The following TSNAXIP1 variants were observed in gnomAD, a reference collection of about 807,000 sequenced individuals.
TSNAXIP1 encodes translin associated factor X interacting protein 1.
In TSNAXIP1, 89 loss-of-function variants were observed where a neutral mutation model predicts 84.8. The observed-to-expected ratio is 1.05, with a 90% CI of 0.88 to 1.25. The LOEUF (loss-of-function observed/expected upper bound fraction) is 1.25, where lower values mean the gene tolerates loss of function less well. Among genes scored for constraint, TSNAXIP1 ranks in the 50% most tolerant of loss-of-function variants. The pLI, the probability that TSNAXIP1 is intolerant of heterozygous loss-of-function variation, is 0.00. For synonymous variants in TSNAXIP1, 347 were observed against 335.2 expected (o/e 1.04, Z -0.39); for missense variants, 874 against 887.6 (o/e 0.98, Z 0.20).
At position 67,825,289 on chromosome 16, in the gene TSNAXIP1, A is replaced by C; in HGVS notation, c.814+17A>C. On this transcript the variant is annotated intron_variant, in intron 7 of 15. Coordinates refer to ENST00000561639, the MANE Select transcript of TSNAXIP1 (RefSeq NM_001288990.3). ...AGTCGCCAGGTAAGCCTGAATTGGG[A>C]ATCGGGTTTCTCTCTTCTCTGAGAC... 1 of 1,613,518 alleles carries C rather than the reference A, an allele frequency of 6.2e-7. No homozygotes were observed. The highest frequency in any genetic ancestry group is 1.1e-5 in the South Asian group (1 of 91,064).
intron 1 of TSNAXIP1, 147 bp downstream of exon 1, chr16:67,807,343 G>C: frequency 2.6e-6 from 4 of 1,533,804 alleles, no homozygotes; most frequent in Non-Finnish European, 3.5e-6. Flanking sequence ...GGTTAGAATC[G>C]GGCTGATTTA....
Position 67,825,807 on chromosome 16 carries a change from G to T in TSNAXIP1, c.955G>T (p.Glu319Ter). Residue 319 changes from glutamate (E) to a stop codon, truncating the protein, a stop_gained, in exon 8 of 16, where the codon GAG becomes TAG. Transcript: ENST00000561639. LOFTEE classifies it high-confidence loss of function. ...VVPRRDFEMQEKTNKDLQEQL... is the reference protein window; with the variant it reads ...VVPRRDFEMQ ...CCCCAGGAGGGACTTTGAAATGCAG[G>T]AGAAGACCAACAAGGATCTTCAGGA... 2 of 1,585,020 alleles carry T rather than the reference G, an allele frequency of 1.3e-6. No individual in the cohort carries two copies. The highest frequency in any genetic ancestry group is 1.7e-6 in the Non-Finnish European group (2 of 1,153,324).
chr16:67,827,784 G>C lies in TSNAXIP1; in HGVS notation c.1930G>C (p.Gly644Arg). 6.2e-7 allele frequency: 1 copy of C among 1,614,122 alleles called. No homozygotes were observed. Among genetic ancestry groups the C allele is most frequent in the Non-Finnish European group, 8.5e-7 (1 of 1,180,026 alleles). The part of the protein sequence containing the change: ...HEEVTLPKLR[G>R]GLMTIDPSLD... ...GGAAGTGACTCTGCCCAAGCTGCGA[G>C]GGGGCCTGATGACCATCGACCCCAG... Residue 644 changes from glycine (G) to arginine (R), a missense_variant, in exon 16 of 16, where the codon GGG (glycine) becomes CGG (arginine). Coordinates refer to ENST00000561639, the MANE Select transcript of TSNAXIP1 (RefSeq NM_001288990.3).
intron 2 of TSNAXIP1, among the ~76,000 whole-genome samples, chr16:67,818,081 C>T (rs770784082): frequency 6.7e-6 from 1 of 150,170 alleles, no homozygotes; most frequent in Non-Finnish European, 1.5e-5. Context: ...TGGTGGCATG[C>T]GCCTGTAATT....
At chr16:67,812,886 C>T (rs949535461) in intron 1 of TSNAXIP1, among the ~76,000 whole-genome samples, 2 of 152,118 alleles carry the variant, frequency 1.3e-5, no homozygotes, top group African/African-American at 4.8e-5. Context: ...GCTGGGATTA[C>T]AGGCATGAGC....
Position 67,825,674 on chromosome 16 carries a change from G to T in TSNAXIP1, c.822G>T (p.Trp274Cys). Residue 274 changes from tryptophan to cysteine, a missense_variant, in exon 8 of 16, where the codon TGG becomes TGT. By Grantham distance (215) the Trp-to-Cys change is radical. Transcript: ENST00000561639. ...GGCCCCTTCCCCTGGCAGGCATCTG[G>T]GGGGAGGACCCTGTGAAGTTAACCC... ...DMSLAQSPGI[W>C]GEDPVKLTLA... 1.2e-6 allele frequency: 2 copies of T among 1,610,848 alleles called. No individual in the cohort carries two copies. Among genetic ancestry groups the T allele is most frequent in the Non-Finnish European group, 8.5e-7 (1 of 1,177,558 alleles).
rs758203491 is a variant in TSNAXIP1, at chr16:67,821,213, A to G, written c.375A>G (p.Glu125=). The G allele has an allele frequency of 6.2e-7, 1 of 1,600,608 alleles. No individual in the cohort carries two copies. Among genetic ancestry groups the G allele is most frequent in the African/African-American group, 1.3e-5 (1 of 74,770 alleles). Residue 125 remains glutamate, a synonymous_variant, in exon 4 of 16, where the codon GAA becomes GAG. Coordinates refer to ENST00000561639, the MANE Select transcript of TSNAXIP1 (RefSeq NM_001288990.3). ...ACCTGGGCACAGATTCCACCCAGGA[A>G]CTAAGGCTGCAGGTCAGAGCCACAG... ...LLDLGTDSTQ[E]LRLQPYREIF... is the part of the protein sequence containing the mutation.
chr16:67,813,906 A>T (rs908077838), intron 1 of TSNAXIP1, among the ~76,000 whole-genome samples: 12 of 151,948 alleles, frequency 7.9e-5, no homozygotes, highest in Non-Finnish European at 1.6e-4. Flanking sequence ...CAGATCCTGG[A>T]CCCCAGACCC....
chr16:67,817,140 C>CG (rs1816672479), intron 2 of TSNAXIP1, among the ~76,000 whole-genome samples: 1 of 148,850 alleles, frequency 6.7e-6, no homozygotes, highest in Non-Finnish European at 1.5e-5. Context: ...TAATTTTTTG[C>CG]GGTTTTTTTT....
chr16:67,823,516 C>T, intron 4 of TSNAXIP1, 110 bp from the exon 5 acceptor site: 1 of 790,166 alleles, frequency 1.3e-6, no homozygotes, highest in East Asian at 2.9e-5. Flanking sequence ...GCACTCCAGC[C>T]TGGGTGATGG....
Position 67,825,884 on chromosome 16 carries a change from G to C in TSNAXIP1, c.985-33G>C, listed in dbSNP as rs779115221. ...AGGAGGGTAGGACGGGGTCTCACAGGTGGGGGGCCAGGGCCAATGTCCTTG... is the reference window on the plus strand; with the variant it reads ...AGGAGGGTAGGACGGGGTCTCACAGCTGGGGGGCCAGGGCCAATGTCCTTG... On this transcript the variant is annotated intron_variant, in intron 8 of 15. Coordinates refer to ENST00000561639, the MANE Select transcript of TSNAXIP1 (RefSeq NM_001288990.3). The C allele has an allele frequency of 3.1e-6, 5 of 1,613,946 alleles. No homozygotes were observed. The African/African-American group carries it at 5.3e-5, about 17-fold the overall frequency.
intron 4 of TSNAXIP1, among the ~76,000 whole-genome samples, chr16:67,823,414 G>A (rs1162698185): frequency 2.0e-5 from 3 of 152,032 alleles, no homozygotes; most frequent in African/African-American, 7.2e-5. Flanking sequence ...GTGGTGGCGC[G>A]TGCCTGTAAT....
At chr16:67,815,389 G>A (rs967871482) in intron 2 of TSNAXIP1, among the ~76,000 whole-genome samples, 2 of 150,466 alleles carry the variant, frequency 1.3e-5, no homozygotes, top group East Asian at 1.9e-4. Context: ...GTGCAGTGGT[G>A]CAGTGGTGCA....
In TSNAXIP1 at chr16:67,814,301, G is replaced by C. The variant is rs1490519677; in HGVS notation, c.48-1G>C. 1 of 1,535,770 alleles carries C rather than the reference G, an allele frequency of 6.5e-7. No individual in the cohort carries two copies. Among genetic ancestry groups the C allele is most frequent in the Non-Finnish European group, 8.7e-7 (1 of 1,146,650 alleles). On this transcript the variant is annotated splice_acceptor_variant, in intron 1 of 15. Coordinates refer to ENST00000561639, the MANE Select transcript of TSNAXIP1 (RefSeq NM_001288990.3). LOFTEE classifies it high-confidence loss of function. ...CCATCAGCTTTCCCTTCTCTGTGCA[G>C]ATTACAGCCACGGCCTTCAGGAGTG...
At position 67,809,130 on chromosome 16, in the gene TSNAXIP1, C is replaced by T. The variant is rs1323450438; in HGVS notation, c.47+1934C>T. Among the ~76,000 whole-genome samples, 48 of 134,036 alleles carry T rather than the reference C, an allele frequency of 3.6e-4. 1 individual carries two copies. The highest frequency in any genetic ancestry group is 2.0e-3 in the East Asian group (9 of 4,458). The allele number at this position is 134,036 out of a possible 152,430, so 87.9% of individuals were successfully genotyped here. On this transcript the variant is annotated intron_variant, in intron 1 of 15. Coordinates refer to ENST00000561639, the MANE Select transcript of TSNAXIP1 (RefSeq NM_001288990.3). Reference sequence around the variant, plus strand: ...GAGGGTGTAGTGAGCTGTGATCACACTAGTGCCTTGTAGCCTGGGCAACAA... The same window carrying T: ...GAGGGTGTAGTGAGCTGTGATCACATTAGTGCCTTGTAGCCTGGGCAACAA...
chr16:67,824,854 C>A, intron 6 of TSNAXIP1, 75 bp downstream of exon 6: 1 of 1,475,760 alleles, frequency 6.8e-7, no homozygotes, highest in East Asian at 2.4e-5. Context: ...ACCCCCTACC[C>A]TGCTCTGCCT....
chr16:67,813,090 C>T (rs2056241312), intron 1 of TSNAXIP1, among the ~76,000 whole-genome samples: 1 of 151,824 alleles, frequency 6.6e-6, no homozygotes, highest in East Asian at 2.0e-4. Context: ...TCAGCTCATT[C>T]TTATTTAAAC....
rs1378081901 is a variant in TSNAXIP1, at chr16:67,814,179, C to T, written c.48-123C>T. On this transcript the variant is annotated intron_variant, in intron 1 of 15. Coordinates refer to ENST00000561639, the MANE Select transcript of TSNAXIP1 (RefSeq NM_001288990.3). Reference sequence around the variant, plus strand: ...TTGCTTGGCAGTGTCTCTGGGAATCCGGAGGCAGCACCCAGAGCCTGGCTC... The same window carrying T: ...TTGCTTGGCAGTGTCTCTGGGAATCTGGAGGCAGCACCCAGAGCCTGGCTC... 2.8e-5 allele frequency: 20 copies of T among 725,344 alleles called. 1 individual carries two copies. Among genetic ancestry groups the T allele is most frequent in the East Asian group, 8.1e-5 (3 of 36,854 alleles). The allele number at this position is 725,344 out of a possible 1,614,324, so 44.9% of individuals were successfully genotyped here.
chr16:67,815,996 A>C (rs2056518141), intron 2 of TSNAXIP1, among the ~76,000 whole-genome samples: 1 of 119,510 alleles, frequency 8.4e-6, no homozygotes, highest in Admixed American at 8.6e-5. Flanking sequence ...TTTGAGACGG[A>C]ATCTCGCTGT....
Sources: gnomAD v4.1 joint callset for allele counts (sites outside exome capture counted in the v4.1 genomes callset) on GRCh38, gnomAD v4.1.1 for gene constraint, MANE v1.5 for transcripts, NCBI Gene and HGNC (gene_info 2026-07-23, HGNC 2026-07-21) for gene names.